Variants in PRDM2 observed in about 807,000 individuals in gnomAD.
PRDM2 encodes the protein PR/SET domain 2, also known as PR domain zinc finger protein 2.
In PRDM2, 30 loss-of-function variants were observed where a neutral mutation model predicts 130.0. That is an observed-to-expected ratio of 0.23 (90% CI 0.17 to 0.31). The LOEUF (loss-of-function observed/expected upper bound fraction) is 0.31. Among genes scored for constraint, PRDM2 ranks in the 10% least tolerant of loss-of-function variants. The probability of loss-of-function intolerance (pLI) is 1.00; values close to 1 mark genes in which losing one functional copy is unlikely to be tolerated. For missense variants in PRDM2, 2,011 were observed against 2,108.4 expected (o/e 0.95, Z 0.90); for synonymous variants, 871 against 782.4 (o/e 1.11, Z -1.89).
At chr1:13,808,569 A>C (rs1645122738) in intron 8 of PRDM2, among the ~76,000 whole-genome samples, 1 of 151,290 alleles carries the variant, frequency 6.6e-6, no homozygotes, top group Admixed American at 6.6e-5. Flanking sequence ...GATTTTATGG[A>C]GGAGCATCTT....
intron 9 of PRDM2, among the ~76,000 whole-genome samples, chr1:13,819,810 G>A (rs1364293791): frequency 6.6e-6 from 1 of 152,112 alleles, no homozygotes; most frequent in African/African-American, 2.4e-5. Context: ...AAGCTCTCTG[G>A]TGTCTCTTCT....
chr1:13,793,005 G>A (rs1234616519), intron 8 of PRDM2, among the ~76,000 whole-genome samples: 1 of 152,202 alleles, frequency 6.6e-6, no homozygotes, highest in Non-Finnish European at 1.5e-5. Context: ...TGTGCCCTTG[G>A]GTTTTAGAGA....
At chr1:13,744,337 C>G (rs1035985012) in intron 5 of PRDM2, among the ~76,000 whole-genome samples, 7 of 152,190 alleles carry the variant, frequency 4.6e-5, no homozygotes, top group African/African-American at 1.7e-4. Context: ...TCAATTCCCA[C>G]ATTGTAAGAT....
chr1:13,741,977 A>C, intron 4 of PRDM2, 28 bp from the exon 5 acceptor site: 3 of 1,504,378 alleles, frequency 2.0e-6, no homozygotes, highest in Non-Finnish European at 2.7e-6. Context: ...ATTTTAACAA[A>C]AGTTTTTTAC....
At chr1:13,727,529 A>G (rs1222767959) in intron 2 of PRDM2, among the ~76,000 whole-genome samples, 1 of 152,242 alleles carries the variant, frequency 6.6e-6, no homozygotes, top group Non-Finnish European at 1.5e-5. Flanking sequence ...TGCTGGGATT[A>G]CAGGCGTGAG....
In PRDM2 at chr1:13,782,105, A is replaced by G. The variant is rs1255591124; in HGVS notation, c.4310A>G (p.Asn1437Ser). 6.2e-7 allele frequency: 1 copy of G among 1,614,076 alleles called. No homozygotes were observed. Among genetic ancestry groups the G allele is most frequent in the South Asian group, 1.1e-5 (1 of 91,076 alleles). The part of the protein sequence containing the change: ...QLVQKAILQK[N>S]KSAKQKADLK... Reference sequence around the variant, plus strand: ...GTACAGAAAGCAATTCTTCAGAAAAACAAATCTGCAAAGCAGAAGGCCGAC... The same window carrying G: ...GTACAGAAAGCAATTCTTCAGAAAAGCAAATCTGCAAAGCAGAAGGCCGAC... Residue 1437 changes from asparagine (N) to serine (S), a missense_variant, in exon 8 of 10, where the codon AAC becomes AGC. Physicochemically the swap from Asn to Ser is conservative, Grantham distance 46. Transcript: ENST00000311066.
intron 6 of PRDM2, chr1:13,769,187 T>C (rs1484023034): frequency 3.1e-6 from 3 of 983,104 alleles, no homozygotes; most frequent in South Asian, 9.4e-5. Flanking sequence ...AGTGCACTTG[T>C]GTGCTTGCCA....
At chr1:13,731,178 TCCTG>T (rs1643094982) in intron 3 of PRDM2, 61 bp downstream of exon 3, 1 of 1,324,476 alleles carries the variant, frequency 7.6e-7, no homozygotes, top group Admixed American at 1.8e-5. Flanking sequence ...CAGTGAGGCT[TCCTG>T]CAGGGGCATG....
chr1:13,783,710 C>T (rs761761434), intron 8 of PRDM2, among the ~76,000 whole-genome samples: 9 of 152,156 alleles, frequency 5.9e-5, no homozygotes, highest in South Asian at 4.1e-4. Context: ...GTCCTTTGTC[C>T]GAAGTGGATG....
At chr1:13,812,615 A>G (rs1274379434) in intron 8 of PRDM2, among the ~76,000 whole-genome samples, 1 of 152,134 alleles carries the variant, frequency 6.6e-6, no homozygotes, top group East Asian at 1.9e-4. Flanking sequence ...CTCATTAGAC[A>G]TCCAAGTGGA....
chr1:13,774,747 C>T (rs187633795), intron 7 of PRDM2, among the ~76,000 whole-genome samples: 2 of 152,152 alleles, frequency 1.3e-5, no homozygotes, highest in East Asian at 1.9e-4. Context: ...GAGGCCGAGG[C>T]GGGTGGATCA....
intron 8 of PRDM2, among the ~76,000 whole-genome samples, chr1:13,809,863 T>C (rs1234873585): frequency 6.6e-6 from 1 of 152,230 alleles, no homozygotes; most frequent in Non-Finnish European, 1.5e-5. Flanking sequence ...AATTTTTTTT[T>C]CACAGTTCTG....
At chr1:13,705,144 C>T (rs1171955911) in intron 1 of PRDM2, 2 of 152,138 alleles carry the variant, frequency 1.3e-5, no homozygotes, top group African/African-American at 4.8e-5. Flanking sequence ...GAATGGAGTA[C>T]GAGTGATTTT....
Position 13,778,752 on chromosome 1 carries a change from A to C in PRDM2, c.957A>C (p.Leu319Phe). Reference protein sequence around the residue: ...EIRCDEKPEDLLEEPKTTSEE... With the variant: ...EIRCDEKPEDFLEEPKTTSEE... ...GGTGTGATGAGAAGCCAGAAGATTT[A>C]TTAGAGGAACCAAAAACAACTTCAG... Residue 319 changes from leucine (L) to phenylalanine (F), a missense_variant, in exon 8 of 10, where the codon TTA becomes TTC. Leu to Phe is a conservative substitution (Grantham distance 22). Coordinates refer to ENST00000311066, the MANE Select transcript of PRDM2 (RefSeq NM_001393986.1). 6.2e-7 allele frequency: 1 copy of C among 1,614,186 alleles called. No homozygotes were observed. Among genetic ancestry groups the C allele is most frequent in the South Asian group, 1.1e-5 (1 of 91,080 alleles).
At chr1:13,796,903 CGAGTT>C (rs959556901) in intron 8 of PRDM2, among the ~76,000 whole-genome samples, 9 of 152,068 alleles carry the variant, frequency 5.9e-5, no homozygotes, top group African/African-American at 2.2e-4. Context: ...TCCCAAAACA[CGAGTT>C]AAAGAAATGA....
At chr1:13,767,515 A>C (rs943915736) in intron 6 of PRDM2, among the ~76,000 whole-genome samples, 2 of 151,216 alleles carry the variant, frequency 1.3e-5, no homozygotes, top group African/African-American at 2.4e-5. Context: ...TATGTTGCCA[A>C]GGCTGGTCTT....
chr1:13,808,296 C>A (rs1645116258), intron 8 of PRDM2, among the ~76,000 whole-genome samples: 1 of 152,056 alleles, frequency 6.6e-6, no homozygotes. Context: ...TCGAGACCAT[C>A]CTGGCTAACA....
chr1:13,701,802 A>G (rs545055223), intron 1 of PRDM2, among the ~76,000 whole-genome samples: 21 of 152,328 alleles, frequency 1.4e-4, no homozygotes, highest in African/African-American at 5.1e-4. Context: ...GAAATAAGTT[A>G]ATACATTTTA....
At chr1:13,714,913 T>C (rs1642485704) in intron 1 of PRDM2, among the ~76,000 whole-genome samples, 1 of 152,230 alleles carries the variant, frequency 6.6e-6, no homozygotes, top group African/African-American at 2.4e-5. Context: ...AACAAGTATG[T>C]CATACGCATT....
Sources: allele counts gnomAD v4.1 joint callset (sites outside exome capture counted in the v4.1 genomes callset), GRCh38; gene constraint gnomAD v4.1.1; transcripts MANE v1.5; gene names NCBI Gene and HGNC (gene_info 2026-07-23, HGNC 2026-07-21).